The following SCGB2B2 variants were observed in gnomAD, a reference collection of about 807,000 sequenced individuals.
SCGB2B2 encodes secretoglobin-like protein.
SCGB2B2 carries 11 observed loss-of-function variants against 7.6 expected under a neutral mutation model. The observed-to-expected ratio is 1.45, with a 90% CI of 0.91 to 2.40. The LOEUF (loss-of-function observed/expected upper bound fraction) is 2.40. Among genes scored for constraint, SCGB2B2 ranks in the 30% most tolerant of loss-of-function variants. The probability of loss-of-function intolerance (pLI) is 0.00; values close to 1 mark genes in which losing one functional copy is unlikely to be tolerated. For synonymous variants in SCGB2B2, 50 were observed against 48.6 expected, an observed-to-expected ratio of 1.03 and a Z score of -0.12; for missense variants, 104 against 115.4, an observed-to-expected ratio of 0.90 and a Z score of 0.45.
intron 1 of SCGB2B2, among the ~76,000 whole-genome samples, chr19:34,633,128 T>C (rs900507960): frequency 2.6e-5 from 4 of 152,216 alleles, no homozygotes; most frequent in African/African-American, 9.6e-5. Context: ...TGACCAACAC[T>C]GGTGCTTTCC....
At chr19:34,629,943 C>T (rs1462526365) in intron 1 of SCGB2B2, among the ~76,000 whole-genome samples, 1 of 151,946 alleles carries the variant, frequency 6.6e-6, no homozygotes, top group East Asian at 1.9e-4. Flanking sequence ...TAACAGAACC[C>T]TCAGAAATAA....
intron 1 of SCGB2B2, among the ~76,000 whole-genome samples, chr19:34,602,706 C>G (rs550442426): frequency 6.6e-6 from 1 of 152,318 alleles, no homozygotes; most frequent in East Asian, 1.9e-4. Context: ...TGTGCTTGAC[C>G]TTTCCTGCAG....
At chr19:34,599,244 G>A (rs560282658) in intron 1 of SCGB2B2, among the ~76,000 whole-genome samples, 1 of 152,354 alleles carries the variant, frequency 6.6e-6, no homozygotes, top group Admixed American at 6.5e-5. Context: ...TATGGTGGAG[G>A]AGTGGGATGG....
At chr19:34,632,793 G>A (rs2066570827) in intron 1 of SCGB2B2, 1 of 152,214 alleles carries the variant, frequency 6.6e-6, no homozygotes, top group Non-Finnish European at 1.5e-5. Context: ...GCTCTGGAGA[G>A]ACTGCCCCTC....
intron 1 of SCGB2B2, among the ~76,000 whole-genome samples, chr19:34,620,484 C>T (rs1243848986): frequency 8.5e-6 from 1 of 118,000 alleles, no homozygotes; most frequent in Non-Finnish European, 1.6e-5. Flanking sequence ...ACAATGAGAA[C>T]ACTTGGACAT....
chr19:34,629,386 A>C (rs1225544223), intron 1 of SCGB2B2, among the ~76,000 whole-genome samples: 1 of 152,072 alleles, frequency 6.6e-6, no homozygotes, highest in Admixed American at 6.6e-5. Flanking sequence ...GTCTCAGCCC[A>C]AAATCTCCTT....
At chr19:34,674,530 A>C (rs1322141071) in intron 1 of SCGB2B2, among the ~76,000 whole-genome samples, 1 of 152,242 alleles carries the variant, frequency 6.6e-6, no homozygotes, top group Non-Finnish European at 1.5e-5. Context: ...TTGAAATTAA[A>C]ATGTCCTGGA....
rs1270235033 is a variant in SCGB2B2 at position 34,592,755 on chromosome 19, T to C, written c.*800A>G. ...ACCTCAATGTCAATGTCCCCTGTCA[T>C]GGTGACATGGCCACACAGACCCATG... On this transcript the variant is annotated 3_prime_UTR_variant, in exon 4 of 4. Coordinates refer to ENST00000601241, the MANE Select transcript of SCGB2B2 (RefSeq NM_001025591.4). 3.9e-5 allele frequency among the ~76,000 whole-genome samples: 6 copies of C among 152,134 alleles called. No individual in the cohort carries two copies. Among genetic ancestry groups the C allele is most frequent in the African/African-American group, 9.7e-5 (4 of 41,416 alleles).
intron 1 of SCGB2B2, among the ~76,000 whole-genome samples, chr19:34,619,603 A>T (rs1402816518): frequency 6.6e-6 from 1 of 152,186 alleles, no homozygotes; most frequent in Non-Finnish European, 1.5e-5. Flanking sequence ...CAAGACACGA[A>T]ATCAGAAGCT....
At chr19:34,650,452 C>T (rs1032196246) in intron 1 of SCGB2B2, among the ~76,000 whole-genome samples, 1 of 151,110 alleles carries the variant, frequency 6.6e-6, no homozygotes, top group Admixed American at 6.6e-5. Context: ...TAGATTTTTC[C>T]TCATAACAGT....
At chr19:34,650,629 G>C (rs1352508190) in intron 1 of SCGB2B2, among the ~76,000 whole-genome samples, 1 of 151,236 alleles carries the variant, frequency 6.6e-6, no homozygotes, top group Non-Finnish European at 1.5e-5. Context: ...TCCTATCACA[G>C]AAAAGTCTAG....
chr19:34,603,669 G>T (rs2065693507), intron 1 of SCGB2B2, among the ~76,000 whole-genome samples: 1 of 152,022 alleles, frequency 6.6e-6, no homozygotes, highest in Non-Finnish European at 1.5e-5. Flanking sequence ...TGCCCATAAG[G>T]ACTATGCAGG....
chr19:34,668,837 A>G (rs927732456), intron 1 of SCGB2B2, among the ~76,000 whole-genome samples: 2 of 151,792 alleles, frequency 1.3e-5, no homozygotes, highest in African/African-American at 4.9e-5. Context: ...AAACGCACCA[A>G]TCAGCACCCT....
chr19:34,619,344 CT>C (rs1351167601), intron 1 of SCGB2B2, among the ~76,000 whole-genome samples: 2 of 152,158 alleles, frequency 1.3e-5, no homozygotes, highest in Non-Finnish European at 1.5e-5. Context: ...GTATAGAGAT[CT>C]TAAGATTCTT....
intron 1 of SCGB2B2, among the ~76,000 whole-genome samples, chr19:34,605,497 CATGTAAG>C (rs1172228904): frequency 6.6e-6 from 1 of 152,174 alleles, no homozygotes. Context: ...TCAATGAAAT[CATGTAAG>C]ATGTAACTTT....
At chr19:34,606,145 C>G (rs112443649) in intron 1 of SCGB2B2, among the ~76,000 whole-genome samples, 1,535 of 151,404 alleles carry the variant, frequency 0.01, 31 homozygotes, top group African/African-American at 0.035. Context: ...TACATAGTTA[C>G]TAAAAATTTG....
At chr19:34,669,738 T>C (rs2067750701) in intron 1 of SCGB2B2, among the ~76,000 whole-genome samples, 2 of 14,880 alleles carry the variant, frequency 1.3e-4, no homozygotes, top group Admixed American at 3.2e-4. Flanking sequence ...CACGAAGAGG[T>C]GTGTCTCATT....
intron 1 of SCGB2B2, among the ~76,000 whole-genome samples, chr19:34,655,160 T>C (rs1486302353): frequency 6.6e-6 from 1 of 151,206 alleles, no homozygotes; most frequent in East Asian, 1.9e-4. Context: ...GCCAATGGCA[T>C]TCCAAAGTTA....
At chr19:34,669,167 C>T (rs1005672553) in intron 1 of SCGB2B2, among the ~76,000 whole-genome samples, 1 of 152,168 alleles carries the variant, frequency 6.6e-6, no homozygotes, top group Non-Finnish European at 1.5e-5. Flanking sequence ...GTAACACTCA[C>T]TGCGAGGGTC....
Sources: gnomAD v4.1 joint callset for allele counts (sites outside exome capture counted in the v4.1 genomes callset) on GRCh38, gnomAD v4.1.1 for gene constraint, MANE v1.5 for transcripts, NCBI Gene and HGNC (gene_info 2026-07-23, HGNC 2026-07-21) for gene names.